PDGFRA: variants seen among roughly 807,000 people sequenced by gnomAD.
PDGFRA encodes the protein platelet derived growth factor receptor alpha.
Under a neutral mutation model 121.5 loss-of-function variants are expected in PDGFRA, and 25 were observed. The observed-to-expected ratio is 0.21, with a 90% CI of 0.15 to 0.29. The LOEUF is 0.29. Ranked by LOEUF, PDGFRA falls within the 10% of genes least tolerant of loss-of-function variation. The pLI is 1.00. For synonymous variants in PDGFRA, 463 were observed against 494.8 expected (o/e 0.94, Z 0.85); for missense variants, 1,008 against 1,345.1 (o/e 0.75, Z 3.92).
chr4:54,294,127 C>T (rs1345810303), intron 22 of PDGFRA, among the ~76,000 whole-genome samples: 1 of 151,884 alleles, frequency 6.6e-6, no homozygotes, highest in Non-Finnish European at 1.5e-5. Flanking sequence ...CACAGTGGCC[C>T]ATCAGTCTTC....
intron 1 of PDGFRA, among the ~76,000 whole-genome samples, chr4:54,255,728 A>C (rs1055154307): frequency 4.6e-5 from 7 of 151,902 alleles, no homozygotes; most frequent in African/African-American, 1.7e-4. Context: ...GATGGTCTCC[A>C]TCTCCTGATC....
At chr4:54,280,224 TC>T (rs1172059611) in intron 15 of PDGFRA, 91 bp from the exon 16 acceptor site, 6 of 436,554 alleles carry the variant, frequency 1.4e-5, no homozygotes, top group African/African-American at 2.6e-5. Flanking sequence ...CATGCCTACC[TC>T]AGTACCTGGC....
chr4:54,277,200 A>G, intron 12 of PDGFRA, 188 bp from the exon 13 acceptor site: 1 of 647,406 alleles, frequency 1.5e-6, no homozygotes, highest in Non-Finnish European at 2.8e-6. Context: ...GACAAAAGCA[A>G]TTATGCTAAT....
At chr4:54,261,673 C>T (rs1239640468) in intron 3 of PDGFRA, among the ~76,000 whole-genome samples, 1 of 151,624 alleles carries the variant, frequency 6.6e-6, no homozygotes, top group African/African-American at 2.4e-5. Context: ...CTGAAATATA[C>T]TCATCTCTAT....
intron 7 of PDGFRA, among the ~76,000 whole-genome samples, chr4:54,268,760 G>A (rs1303552021): frequency 1.3e-5 from 2 of 152,210 alleles, no homozygotes; most frequent in Non-Finnish European, 2.9e-5. Flanking sequence ...AACAAGGAGG[G>A]CAGCTTTCCA....
chr4:54,233,064 C>G (rs139813958), intron 1 of PDGFRA, among the ~76,000 whole-genome samples: 5 of 152,240 alleles, frequency 3.3e-5, no homozygotes, highest in East Asian at 3.9e-4. Flanking sequence ...GCTCTCCCCC[C>G]TCTCTCCACA....
chr4:54,295,596 T>G lies in PDGFRA; in HGVS notation c.*324T>G. 2.3e-6 allele frequency: 1 copy of G among 430,026 alleles called. No homozygotes were observed. The highest frequency in any genetic ancestry group is 2.7e-5 in the South Asian group (1 of 37,334). The allele number at this position is 430,026 out of a possible 1,614,324, so 26.6% of individuals were successfully genotyped here. Reference sequence around the variant, plus strand: ...TGGTGAGAGTCCAACAGACACAATTTATACTGCGACAGAACTTCAGCATTG... The same window carrying G: ...TGGTGAGAGTCCAACAGACACAATTGATACTGCGACAGAACTTCAGCATTG... On this transcript the variant is annotated 3_prime_UTR_variant, in exon 23 of 23. Transcript: ENST00000257290.
chr4:54,244,577 T>A (rs926140558), intron 1 of PDGFRA, among the ~76,000 whole-genome samples: 1 of 152,006 alleles, frequency 6.6e-6, no homozygotes, highest in African/African-American at 2.4e-5. Context: ...TACATCACCA[T>A]CATCAAAGAC....
At chr4:54,250,642 A>C (rs563762915) in intron 1 of PDGFRA, among the ~76,000 whole-genome samples, 1 of 152,338 alleles carries the variant, frequency 6.6e-6, no homozygotes, top group East Asian at 1.9e-4. Flanking sequence ...TGCATCTTTA[A>C]TCAGCTGTCC....
intron 12 of PDGFRA, among the ~76,000 whole-genome samples, chr4:54,275,916 C>T (rs925390177): frequency 6.6e-6 from 1 of 152,170 alleles, no homozygotes; most frequent in Non-Finnish European, 1.5e-5. Context: ...GAAAAAAAGA[C>T]AATAATAGCC....
intron 1 of PDGFRA, among the ~76,000 whole-genome samples, chr4:54,248,346 TG>T (rs1323016804): frequency 6.6e-6 from 1 of 152,180 alleles, no homozygotes; most frequent in Non-Finnish European, 1.5e-5. Flanking sequence ...CAAAACAGCA[TG>T]GTACTGGTAC....
At chr4:54,232,453 G>A (rs1720738975) in intron 1 of PDGFRA, among the ~76,000 whole-genome samples, 1 of 152,226 alleles carries the variant, frequency 6.6e-6, no homozygotes, top group Admixed American at 6.5e-5. Flanking sequence ...CCGACTTGGG[G>A]CGCCTCCTTC....
chr4:54,284,829 A>T, intron 16 of PDGFRA, among the ~76,000 whole-genome samples: 1 of 149,958 alleles, frequency 6.7e-6, no homozygotes, highest in African/African-American at 2.5e-5. Flanking sequence ...TAATTTTTAA[A>T]CCAGATATAT....
At chr4:54,258,918 A>G in intron 2 of PDGFRA, 101 bp downstream of exon 2, 1 of 908,258 alleles carries the variant, frequency 1.1e-6, no homozygotes. Context: ...TACACAGTCC[A>G]AAAGAGTGAA....
intron 22 of PDGFRA, among the ~76,000 whole-genome samples, chr4:54,292,953 AAAT>A (rs1172467701): frequency 6.6e-6 from 1 of 152,178 alleles, no homozygotes; most frequent in Non-Finnish European, 1.5e-5. Flanking sequence ...TTGGGTGATG[AAAT>A]AATCTGTACA....
rs71200381 is a variant in PDGFRA, at chr4:54,293,907, T to TTGTGTGTGTGTGTG, written c.3123-1196_3123-1183dup. Among the ~76,000 whole-genome samples, 55 of 142,554 alleles carry TTGTGTGTGTGTGTG rather than the reference T, an allele frequency of 3.9e-4. 1 individual carries two copies. The highest frequency in any genetic ancestry group is 3.5e-3 in the Middle Eastern group (1 of 282). 93.5% of individuals were successfully genotyped at this position (142,554 alleles called of 152,430 possible). ...GCCCCTAGTTCAAGGTCCAAGTTGC[T>TTGTGTGTGTGTGTG]TGTGTGTGTGTGTGTGTGTGTGTGT... On this transcript the variant is annotated intron_variant, in intron 22 of 22. Transcript: ENST00000257290.
chr4:54,260,051 G>A (rs1722602519), intron 2 of PDGFRA, among the ~76,000 whole-genome samples: 1 of 152,212 alleles, frequency 6.6e-6, no homozygotes, highest in East Asian at 1.9e-4. Flanking sequence ...TATTGCAAAA[G>A]GAGTAAGTGC....
At position 54,297,375 on chromosome 4, in the gene PDGFRA, G is replaced by C. The variant is rs1020070386; in HGVS notation, c.*2103G>C. On this transcript the variant is annotated 3_prime_UTR_variant, in exon 23 of 23. Coordinates refer to ENST00000257290, the MANE Select transcript of PDGFRA (RefSeq NM_006206.6). ...AACTTTCTTATCCAACTTTTTCATA[G>C]TAAGTGCGAAGACTGAGCCAGATTG... 2.1e-5 allele frequency: 5 copies of C among 233,604 alleles called. No individual in the cohort carries two copies. The highest frequency in any genetic ancestry group is 3.4e-5 in the Non-Finnish European group (4 of 118,072). The allele number at this position is 233,604 out of a possible 1,614,324, so 14.5% of individuals were successfully genotyped here.
In PDGFRA at chr4:54,278,450, C is replaced by T. The variant is rs1371600911; in HGVS notation, c.2091C>T (p.His697=). Reference sequence around the variant, plus strand: ...ATAGGGATAGCTTCCTGAGCCACCACCCAGAGAAGCCAAAGAAAGAGCTGG... The same window carrying T: ...ATAGGGATAGCTTCCTGAGCCACCATCCAGAGAAGCCAAAGAAAGAGCTGG... ...HKNRDSFLSH[H]PEKPKKELDI... Residue 697 remains histidine, a synonymous_variant, in exon 15 of 23, where the codon CAC becomes CAT. Coordinates refer to ENST00000257290, the MANE Select transcript of PDGFRA (RefSeq NM_006206.6). 1 of 1,613,780 alleles carries T rather than the reference C, an allele frequency of 6.2e-7. No individual in the cohort carries two copies. Among genetic ancestry groups the T allele is most frequent in the Admixed American group, 1.7e-5 (1 of 60,000 alleles).
Sources: gnomAD v4.1 joint callset for allele counts (sites outside exome capture counted in the v4.1 genomes callset) on GRCh38, gnomAD v4.1.1 for gene constraint, MANE v1.5 for transcripts, NCBI Gene and HGNC (gene_info 2026-07-23, HGNC 2026-07-21) for gene names.